The following HPSE2 variants were observed in gnomAD, a reference collection of about 807,000 sequenced individuals.
The protein encoded by HPSE2 is inactive heparanase-2.
HPSE2 carries 38 observed loss-of-function variants against 60.5 expected under a neutral mutation model. The ratio of observed to expected loss-of-function variants is 0.63; its 90% CI spans 0.48 to 0.82. The LOEUF (loss-of-function observed/expected upper bound fraction) is 0.82, where lower values mean the gene tolerates loss of function less well. Among genes scored for constraint, HPSE2 ranks in the 40% least tolerant of loss-of-function variants. The probability of loss-of-function intolerance (pLI) is 0.00; values close to 1 mark genes in which losing one functional copy is unlikely to be tolerated. For synonymous variants in HPSE2, 295 were observed against 293.2 expected (o/e 1.01, Z -0.06); for missense variants, 713 against 740.4 (o/e 0.96, Z 0.43).
At chr10:98,602,117 G>T (rs12570903) in intron 9 of HPSE2, among the ~76,000 whole-genome samples, 1 of 152,092 alleles carries the variant, frequency 6.6e-6, no homozygotes. Context: ...GAGGAGTAAG[G>T]GTTCCCCAGT....
At chr10:99,044,880 G>A (rs1156654512) in intron 3 of HPSE2, among the ~76,000 whole-genome samples, 2 of 152,128 alleles carry the variant, frequency 1.3e-5, no homozygotes, top group African/African-American at 4.8e-5. Context: ...GTTCTTCTTG[G>A]CCCACAAAAA....
chr10:99,291,143 G>C, the HPSE2 span, among the ~76,000 whole-genome samples: 12 of 152,160 alleles, frequency 7.9e-5, no homozygotes, highest in African/African-American at 2.7e-4. Flanking sequence ...AAGGGTAAAA[G>C]AGTTTACAAG....
At chr10:98,853,491 C>CT (rs1952232148) in intron 3 of HPSE2, among the ~76,000 whole-genome samples, 2 of 152,084 alleles carry the variant, frequency 1.3e-5, no homozygotes, top group East Asian at 3.9e-4. Context: ...TTTTTCTCTC[C>CT]TTTTTTATCT....
rs572792386 is a variant in HPSE2 at position 98,549,079 on chromosome 10, C to CA, written c.1321-58884dup. Among the ~76,000 whole-genome samples, 833 of 152,204 alleles carry CA rather than the reference C, an allele frequency of 5.5e-3. 7 individuals carry two copies. The highest frequency in any genetic ancestry group is 8.6e-3 in the Non-Finnish European group (584 of 68,014). The stretch of plus-strand genomic sequence containing the variant: ...AAGTACTCACGTTAAGGTTCCATTC[C>CA]AGCAACCTCAAAATCTTTATTATCT... On this transcript the variant is annotated intron_variant, in intron 9 of 11. Coordinates refer to ENST00000370552, the MANE Select transcript of HPSE2 (RefSeq NM_021828.5).
chr10:99,038,372 A>G (rs1957657020), intron 3 of HPSE2, among the ~76,000 whole-genome samples: 1 of 152,212 alleles, frequency 6.6e-6, no homozygotes, highest in African/African-American at 2.4e-5. Flanking sequence ...AACGACTTGG[A>G]TGACTATCAA....
Position 99,227,034 on chromosome 10 carries a change from T to C in HPSE2, c.448+5314A>G, listed in dbSNP as rs369651509. The stretch of plus-strand genomic sequence containing the variant: ...AACCATTATGTGAAATAAAATGAGA[T>C]AATAGAAAGTGGATAAGTTCAAGGC... On this transcript the variant is annotated intron_variant, in intron 2 of 11. Transcript: ENST00000370552. 7.6e-4 allele frequency among the ~76,000 whole-genome samples: 116 copies of C among 152,184 alleles called. 3 individuals carry two copies. In the South Asian group the frequency reaches 0.024, roughly 31 times the overall value.
At chr10:98,746,177 G>A (rs1949623864) in intron 3 of HPSE2, among the ~76,000 whole-genome samples, 1 of 24,396 alleles carries the variant, frequency 4.1e-5, no homozygotes, top group Non-Finnish European at 1.7e-4. Context: ...AACAACAAAA[G>A]GAATAAATTT....
intron 3 of HPSE2, among the ~76,000 whole-genome samples, chr10:98,803,798 G>A (rs1159537794): frequency 2.0e-5 from 3 of 150,744 alleles, no homozygotes; most frequent in Non-Finnish European, 3.0e-5. Context: ...TTGACTTGGC[G>A]ATGCGGGCTC....
intron 2 of HPSE2, among the ~76,000 whole-genome samples, chr10:99,197,632 A>C (rs1327333837): frequency 2.0e-5 from 3 of 152,254 alleles, no homozygotes; most frequent in Admixed American, 2.0e-4. Flanking sequence ...AAATAGTAAA[A>C]TATCATGTAA....
At chr10:98,906,898 G>C (rs1192149284) in intron 3 of HPSE2, among the ~76,000 whole-genome samples, 1 of 137,606 alleles carries the variant, frequency 7.3e-6, no homozygotes, top group East Asian at 2.1e-4. Context: ...CTGAAACTCT[G>C]TCTCAAAAAA....
intron 5 of HPSE2, among the ~76,000 whole-genome samples, chr10:98,712,968 A>G (rs1401476010): frequency 3.3e-5 from 5 of 152,150 alleles, no homozygotes; most frequent in Admixed American, 2.6e-4. Flanking sequence ...ACAAGCAAAC[A>G]AACAATAAAT....
intron 3 of HPSE2, among the ~76,000 whole-genome samples, chr10:99,014,708 T>C (rs1261979559): frequency 6.6e-6 from 1 of 152,194 alleles, no homozygotes; most frequent in Non-Finnish European, 1.5e-5. Flanking sequence ...ATTGGTGATG[T>C]TGAGCTTTTC....
chr10:99,245,579 A>G, the HPSE2 span, among the ~76,000 whole-genome samples: 2 of 152,250 alleles, frequency 1.3e-5, no homozygotes, highest in African/African-American at 2.4e-5. Flanking sequence ...CTTTCATTCA[A>G]TAAATATTTT....
intron 4 of HPSE2, among the ~76,000 whole-genome samples, chr10:98,733,152 G>C (rs1949269494): frequency 6.6e-6 from 1 of 152,050 alleles, no homozygotes. Context: ...ACAGGGTCTT[G>C]CTCTGTTACC....
chr10:99,100,980 T>A (rs1446039975), intron 3 of HPSE2, among the ~76,000 whole-genome samples: 2 of 152,066 alleles, frequency 1.3e-5, no homozygotes, highest in African/African-American at 2.4e-5. Flanking sequence ...AAAGAGCTCC[T>A]GAAGGAAGCA....
intron 3 of HPSE2, among the ~76,000 whole-genome samples, chr10:99,002,208 T>A (rs986131300): frequency 6.6e-6 from 1 of 152,120 alleles, no homozygotes; most frequent in African/African-American, 2.4e-5. Context: ...ATATTCACTA[T>A]TAATAAGCAA....
intron 2 of HPSE2, among the ~76,000 whole-genome samples, chr10:99,158,283 G>T (rs1274981562): frequency 9.4e-6 from 1 of 106,324 alleles, no homozygotes; most frequent in Non-Finnish European, 2.0e-5. Context: ...AAATCATGCT[G>T]CTATAAAGAC....
At chr10:98,868,937 T>C (rs746971593) in intron 3 of HPSE2, among the ~76,000 whole-genome samples, 1 of 152,192 alleles carries the variant, frequency 6.6e-6, no homozygotes, top group African/African-American at 2.4e-5. Flanking sequence ...AGAAACTACA[T>C]TCTAAATTAT....
intron 5 of HPSE2, among the ~76,000 whole-genome samples, chr10:98,711,074 G>A (rs1948665389): frequency 1.3e-5 from 2 of 152,078 alleles, no homozygotes; most frequent in Admixed American, 1.3e-4. Context: ...AAAAGACAGG[G>A]AAATGGGGGA....
Sources: allele counts gnomAD v4.1 joint callset (sites outside exome capture counted in the v4.1 genomes callset), GRCh38; gene constraint gnomAD v4.1.1; transcripts MANE v1.5; gene names NCBI Gene and HGNC (gene_info 2026-07-23, HGNC 2026-07-21).